The following RNF150 variants were observed in gnomAD, a reference collection of about 807,000 sequenced individuals.
RNF150 encodes the protein ring finger protein 150.
In RNF150, 24 loss-of-function variants were observed where a neutral mutation model predicts 39.3. The ratio of observed to expected loss-of-function variants is 0.61; its 90% CI spans 0.44 to 0.86. The LOEUF (loss-of-function observed/expected upper bound fraction) is 0.86, where lower values mean the gene tolerates loss of function less well. RNF150 is among the 40% of genes least tolerant of loss of function. The probability of loss-of-function intolerance (pLI) is 0.00; values close to 1 mark genes in which losing one functional copy is unlikely to be tolerated. For synonymous variants in RNF150, 255 were observed against 227.3 expected (o/e 1.12, Z -1.10); for missense variants, 502 against 587.8 (o/e 0.85, Z 1.51).
intron 1 of RNF150, among the ~76,000 whole-genome samples, chr4:141,162,082 C>G (rs775672962): frequency 1.3e-5 from 2 of 152,298 alleles, no homozygotes; most frequent in East Asian, 1.9e-4. Flanking sequence ...GAGCCCTTGA[C>G]AGTTTGCACC....
rs1456907729 is a variant in RNF150 at position 140,861,382 on chromosome 4, T to C, written c.*6879A>G. 1 of 152,024 alleles carries C rather than the reference T, an allele frequency of 6.6e-6. No individual in the cohort carries two copies. Among genetic ancestry groups the C allele is most frequent in the Non-Finnish European group, 1.5e-5 (1 of 67,984 alleles). The allele number at this position is 152,024 out of a possible 1,614,324, so 9.4% of individuals were successfully genotyped here. ...CAGTGAGAAGATCTGTGGGGTCTCCTTCAGCTTTTTAGAGTTTGTGACACT... is the reference window on the plus strand; with the variant it reads ...CAGTGAGAAGATCTGTGGGGTCTCCCTCAGCTTTTTAGAGTTTGTGACACT... On this transcript the variant is annotated 3_prime_UTR_variant, in exon 7 of 7. Transcript: ENST00000515673.
At chr4:140,987,638 A>G (rs1488107280) in intron 1 of RNF150, among the ~76,000 whole-genome samples, 1 of 152,090 alleles carries the variant, frequency 6.6e-6, no homozygotes, top group Non-Finnish European at 1.5e-5. Flanking sequence ...AGATTTAAAC[A>G]TAAGATCTGA....
At chr4:141,150,342 A>C (rs1341562736) in intron 1 of RNF150, among the ~76,000 whole-genome samples, 2 of 152,184 alleles carry the variant, frequency 1.3e-5, no homozygotes, top group African/African-American at 4.8e-5. Flanking sequence ...TTTCATACTC[A>C]TATCCAATGT....
rs1728553422 is a variant in RNF150 at position 140,863,023 on chromosome 4, T to G, written c.*5238A>C. 6.8e-6 allele frequency: 1 copy of G among 147,272 alleles called. No homozygotes were observed. The highest frequency in any genetic ancestry group is 2.5e-5 in the African/African-American group (1 of 39,832). 9.1% of individuals were successfully genotyped at this position (147,272 alleles called of 1,614,324 possible). A position where few individuals can be genotyped will look rare whatever the true frequency, so the allele number is the denominator to read the frequency against. On this transcript the variant is annotated 3_prime_UTR_variant, in exon 7 of 7. Coordinates refer to ENST00000515673, the MANE Select transcript of RNF150 (RefSeq NM_020724.2). ...GACCTCGGTGGCCAAGAGCACTGCA[T>G]GAAGAACCATGCATCCCCATCTTAA...
intron 1 of RNF150, among the ~76,000 whole-genome samples, chr4:141,208,293 G>A (rs544239012): frequency 6.6e-6 from 1 of 152,240 alleles, no homozygotes; most frequent in African/African-American, 2.4e-5. Context: ...ATATGGCCCC[G>A]AGGGGCTAGC....
At chr4:141,017,477 T>C (rs74431849) in intron 1 of RNF150, among the ~76,000 whole-genome samples, 2,014 of 152,316 alleles carry the variant, frequency 0.013, 57 homozygotes, top group African/African-American at 0.046. Flanking sequence ...GTACATTTGC[T>C]ACAATCAATG....
intron 1 of RNF150, among the ~76,000 whole-genome samples, chr4:141,203,906 G>A (rs963136326): frequency 2.0e-5 from 3 of 152,058 alleles, no homozygotes; most frequent in African/African-American, 7.2e-5. Context: ...TCCCAGAGGG[G>A]TAATGTTTCT....
intron 6 of RNF150, among the ~76,000 whole-genome samples, chr4:140,891,689 A>G (rs1291711978): frequency 1.3e-5 from 2 of 152,048 alleles, no homozygotes; most frequent in Non-Finnish European, 2.9e-5. Flanking sequence ...TCTGCATATA[A>G]TCTATGCACA....
At chr4:141,110,832 C>G (rs1739362827) in intron 1 of RNF150, among the ~76,000 whole-genome samples, 1 of 151,952 alleles carries the variant, frequency 6.6e-6, no homozygotes, top group Non-Finnish European at 1.5e-5. Flanking sequence ...AACTAGTAAC[C>G]TAAAAAAGGT....
At chr4:141,170,810 T>C (rs1321594549) in intron 1 of RNF150, among the ~76,000 whole-genome samples, 1 of 152,206 alleles carries the variant, frequency 6.6e-6, no homozygotes, top group Admixed American at 6.5e-5. Context: ...TAATTGAACA[T>C]TCACTCTTGC....
intron 1 of RNF150, among the ~76,000 whole-genome samples, chr4:141,026,758 G>A (rs988654857): frequency 7.9e-5 from 12 of 152,310 alleles, no homozygotes; most frequent in African/African-American, 1.4e-4. Flanking sequence ...TAGAACATCA[G>A]TTTGAGAAAC....
intron 1 of RNF150, among the ~76,000 whole-genome samples, chr4:141,025,488 A>G (rs190393964): frequency 6.6e-6 from 1 of 152,270 alleles, no homozygotes; most frequent in East Asian, 1.9e-4. Flanking sequence ...CCCTTGCTTA[A>G]AAAAGTACTC....
At chr4:140,935,086 A>G (rs1731811811) in intron 4 of RNF150, among the ~76,000 whole-genome samples, 1 of 129,866 alleles carries the variant, frequency 7.7e-6, no homozygotes, top group Non-Finnish European at 1.6e-5. Context: ...TATAATATAT[A>G]TAATAAATAT....
At chr4:140,998,736 C>T (rs1734472606) in intron 1 of RNF150, among the ~76,000 whole-genome samples, 1 of 152,188 alleles carries the variant, frequency 6.6e-6, no homozygotes. Flanking sequence ...CTAGTTCCTG[C>T]AAAGCCATTC....
chr4:141,161,075 G>T (rs1727504549), intron 1 of RNF150, among the ~76,000 whole-genome samples: 1 of 152,164 alleles, frequency 6.6e-6, no homozygotes. Flanking sequence ...ATAGGAAGGT[G>T]AGGGAAAATT....
rs979187942 is a variant in RNF150 at position 141,005,851 on chromosome 4, G to C, written c.485-37978C>G. ...TGGGAGGCCGAGGCGGGCGGATCACGAGGTCAGGAGATCGAGACCATCCCG... is the reference window on the plus strand; with the variant it reads ...TGGGAGGCCGAGGCGGGCGGATCACCAGGTCAGGAGATCGAGACCATCCCG... On this transcript the variant is annotated intron_variant, in intron 1 of 6. Transcript: ENST00000515673. Among the ~76,000 whole-genome samples the C allele has an allele frequency of 1.5e-4, 20 of 130,486 alleles. 2 individuals are homozygous for C. The highest frequency in any genetic ancestry group is 5.8e-4 in the African/African-American group (20 of 34,388). The allele number at this position is 130,486 out of a possible 152,430, so 85.6% of individuals were successfully genotyped here.
intron 1 of RNF150, among the ~76,000 whole-genome samples, chr4:141,108,448 C>T (rs1008529836): frequency 3.0e-4 from 45 of 152,248 alleles, no homozygotes; most frequent in Middle Eastern, 3.4e-3. Flanking sequence ...TTTAGCACTT[C>T]CCATGTGCCA....
intron 1 of RNF150, among the ~76,000 whole-genome samples, chr4:140,992,460 G>A (rs1055095627): frequency 1.3e-5 from 2 of 152,168 alleles, no homozygotes; most frequent in African/African-American, 2.4e-5. Context: ...ATGTTGAACA[G>A]TACTGCTTCT....
At chr4:141,016,365 G>A (rs995854981) in intron 1 of RNF150, among the ~76,000 whole-genome samples, 1 of 152,160 alleles carries the variant, frequency 6.6e-6, no homozygotes, top group Non-Finnish European at 1.5e-5. Context: ...CATTGCCATG[G>A]CAACACCTGG....
Sources: allele counts gnomAD v4.1 joint callset (sites outside exome capture counted in the v4.1 genomes callset), GRCh38; gene constraint gnomAD v4.1.1; transcripts MANE v1.5; gene names NCBI Gene and HGNC (gene_info 2026-07-23, HGNC 2026-07-21).